The following MECOM variants were observed in gnomAD, a reference collection of about 807,000 sequenced individuals.
MECOM encodes the protein histone-lysine N-methyltransferase MECOM.
In MECOM, 13 loss-of-function variants were observed where a neutral mutation model predicts 116.3. The observed-to-expected ratio is 0.11, with a 90% CI of 0.07 to 0.18. The LOEUF is 0.18. MECOM is among the 10% of genes least tolerant of loss of function. MECOM has a pLI of 1.00. For missense variants in MECOM, 1,299 were observed against 1,509.0 expected, an observed-to-expected ratio of 0.86 and a Z score of 2.31; for synonymous variants, 528 against 535.2, an observed-to-expected ratio of 0.99 and a Z score of 0.19.
At chr3:169,192,293 G>T (rs981787337) in intron 2 of MECOM, among the ~76,000 whole-genome samples, 1 of 151,972 alleles carries the variant, frequency 6.6e-6, no homozygotes, top group Non-Finnish European at 1.5e-5. Flanking sequence ...AACACGTTTA[G>T]CAATTCAAGG....
At chr3:169,498,435 C>T (rs1322318194) in intron 1 of MECOM, among the ~76,000 whole-genome samples, 2 of 152,070 alleles carry the variant, frequency 1.3e-5, no homozygotes. Context: ...AAAAGGAAAC[C>T]TACAATACTA....
intron 2 of MECOM, among the ~76,000 whole-genome samples, chr3:169,188,349 T>C (rs1747042475): frequency 1.3e-5 from 2 of 151,708 alleles, no homozygotes; most frequent in South Asian, 4.2e-4. Context: ...AGAAGAAATA[T>C]TGAGAGAAAC....
chr3:169,376,946 C>T (rs1731144180), intron 2 of MECOM, among the ~76,000 whole-genome samples: 1 of 152,122 alleles, frequency 6.6e-6, no homozygotes, highest in Admixed American at 6.6e-5. Flanking sequence ...GCTACAGTAA[C>T]CAAAACAGCA....
chr3:169,459,287 A>C (rs983384332), intron 1 of MECOM, among the ~76,000 whole-genome samples: 1 of 152,208 alleles, frequency 6.6e-6, no homozygotes, highest in Admixed American at 6.5e-5. Context: ...TTACAACCTG[A>C]CTATTTCTGA....
intron 2 of MECOM, among the ~76,000 whole-genome samples, chr3:169,357,443 T>G (rs191226858): frequency 6.6e-6 from 1 of 151,948 alleles, no homozygotes; most frequent in African/African-American, 2.4e-5. Flanking sequence ...TAAAACTAGA[T>G]GCATTTGCTT....
intron 1 of MECOM, among the ~76,000 whole-genome samples, chr3:169,454,049 A>AC (rs1746053603): frequency 6.6e-6 from 1 of 151,970 alleles, no homozygotes; most frequent in Admixed American, 6.6e-5. Context: ...CTCCTCCATC[A>AC]CCCATTTCGA....
At chr3:169,434,232 A>C (rs1366214424) in intron 1 of MECOM, among the ~76,000 whole-genome samples, 2 of 152,212 alleles carry the variant, frequency 1.3e-5, no homozygotes, top group Non-Finnish European at 2.9e-5. Context: ...GAAAATAAGC[A>C]TACTTTAGAA....
chr3:169,574,054 A>G (rs77776041), intron 1 of MECOM, among the ~76,000 whole-genome samples: 2,617 of 152,350 alleles, frequency 0.017, 39 homozygotes, highest in Non-Finnish European at 0.02. Context: ...ATACAACTCC[A>G]TACATTTTTA....
intron 2 of MECOM, among the ~76,000 whole-genome samples, chr3:169,272,372 C>T (rs1267748512): frequency 6.6e-6 from 1 of 152,064 alleles, no homozygotes; most frequent in Non-Finnish European, 1.5e-5. Context: ...CTACAGAAAA[C>T]CTTAGCAGTC....
In MECOM at chr3:169,116,242, C is replaced by T; in HGVS notation, c.1630G>A (p.Ala544Thr). 1 of 1,614,134 alleles carries T rather than the reference C, an allele frequency of 6.2e-7. No individual in the cohort carries two copies. The highest frequency in any genetic ancestry group is 8.5e-7 in the Non-Finnish European group (1 of 1,180,016). ...CCTACAGATGGGTGTTTAGATAGTG[C>T]CTTCAAAATATCCTGTGTAGCTGGC... is the stretch of plus-strand genomic sequence containing the variant. Reference protein sequence around the residue: ...ILPATQDILKALSKHPSVGDN... With the variant: ...ILPATQDILKTLSKHPSVGDN... The change falls in exon 8 of 17, where the codon GCA (alanine) becomes ACA (threonine). Residue 544 changes from alanine (A) to threonine (T), a missense_variant. Around this residue, in one of 6 missense-constraint regions of MECOM, gnomAD observed 238 missense variants for 273.1 expected, o/e 0.87. Transcript: ENST00000651503.
chr3:169,460,791 A>G (rs1053555555), intron 1 of MECOM, among the ~76,000 whole-genome samples: 5 of 152,150 alleles, frequency 3.3e-5, no homozygotes, highest in African/African-American at 1.2e-4. Flanking sequence ...CAAGAGTGCA[A>G]AGAGGAAATG....
chr3:169,191,726 AAG>A (rs1347752706), intron 2 of MECOM, among the ~76,000 whole-genome samples: 1 of 55,728 alleles, frequency 1.8e-5, no homozygotes, highest in African/African-American at 5.4e-5. Context: ...GAAAAAAAGA[AAG>A]AAAGAAAGAA....
At chr3:169,585,531 C>T (rs1000763413) in intron 1 of MECOM, among the ~76,000 whole-genome samples, 14 of 152,198 alleles carry the variant, frequency 9.2e-5, no homozygotes, top group African/African-American at 3.1e-4. Flanking sequence ...CTCTACCTCA[C>T]CAACCCACCC....
chr3:169,183,603 T>C (rs1170251322), intron 2 of MECOM, among the ~76,000 whole-genome samples: 1 of 152,034 alleles, frequency 6.6e-6, no homozygotes, highest in Non-Finnish European at 1.5e-5. Flanking sequence ...AGAGGTCATA[T>C]GAACTGAGCA....
At chr3:169,596,244 C>T (rs1767123029) in intron 1 of MECOM, among the ~76,000 whole-genome samples, 1 of 152,148 alleles carries the variant, frequency 6.6e-6, no homozygotes, top group African/African-American at 2.4e-5. Context: ...GAAGAAAACA[C>T]TTAGATGTAA....
intron 1 of MECOM, among the ~76,000 whole-genome samples, chr3:169,459,666 T>G (rs1747090680): frequency 6.6e-6 from 1 of 152,220 alleles, no homozygotes; most frequent in Non-Finnish European, 1.5e-5. Context: ...CAGGCTTGTA[T>G]TCCCCCTTCC....
At chr3:169,209,136 A>G (rs1174001905) in intron 2 of MECOM, among the ~76,000 whole-genome samples, 1 of 152,204 alleles carries the variant, frequency 6.6e-6, no homozygotes, top group African/African-American at 2.4e-5. Flanking sequence ...AAATCTGGCT[A>G]GCCATGTGCA....
chr3:169,452,166 T>C (rs1745714932), intron 1 of MECOM, among the ~76,000 whole-genome samples: 1 of 152,008 alleles, frequency 6.6e-6, no homozygotes, highest in African/African-American at 2.4e-5. Context: ...GGGTCATCAC[T>C]ACTCACGGCC....
intron 13 of MECOM, 112 bp from the exon 14 acceptor site, chr3:169,093,214 T>C (rs1298341081): frequency 1.9e-6 from 2 of 1,046,848 alleles, no homozygotes; most frequent in Admixed American, 2.7e-5. Flanking sequence ...ACATGCCCTA[T>C]GAATATTAAT....
Sources: gnomAD v4.1 joint callset for allele counts (sites outside exome capture counted in the v4.1 genomes callset) on GRCh38, gnomAD v4.1.1 for gene constraint, gnomAD v4.1.1 regional missense constraint, MANE v1.5 for transcripts, NCBI Gene and HGNC (gene_info 2026-07-23, HGNC 2026-07-21) for gene names.